Variants in RBMS1 observed in about 807,000 individuals in gnomAD.
RBMS1 encodes RNA binding motif single stranded interacting protein 1.
In RBMS1, 17 loss-of-function variants were observed where a neutral mutation model predicts 62.3. That is an observed-to-expected ratio of 0.27 (90% CI 0.19 to 0.41). The LOEUF (loss-of-function observed/expected upper bound fraction) is 0.41. Ranked by LOEUF, RBMS1 falls within the 10% of genes least tolerant of loss-of-function variation. RBMS1 has a pLI of 1.00. For missense variants in RBMS1, 334 were observed against 504.5 expected (o/e 0.66, Z 3.24); for synonymous variants, 172 against 170.0 (o/e 1.01, Z -0.09).
chr2:160,327,308 G>A (rs542876500), intron 2 of RBMS1, among the ~76,000 whole-genome samples: 1 of 152,242 alleles, frequency 6.6e-6, no homozygotes, highest in South Asian at 2.1e-4. Context: ...CAACATGCCT[G>A]GGTGAATCCA....
At chr2:160,410,292 A>G (rs1393342549) in intron 1 of RBMS1, among the ~76,000 whole-genome samples, 2 of 152,052 alleles carry the variant, frequency 1.3e-5, no homozygotes, top group East Asian at 3.9e-4. Context: ...AAGCCAACAA[A>G]ATGTATGTTC....
At chr2:160,448,813 G>A (rs1683798145) in intron 1 of RBMS1, among the ~76,000 whole-genome samples, 2 of 151,174 alleles carry the variant, frequency 1.3e-5, no homozygotes, top group Non-Finnish European at 2.9e-5. Flanking sequence ...AGTGAGGAGC[G>A]CCTCTTCCCG....
intron 10 of RBMS1, 120 bp downstream of exon 10, chr2:160,281,194 C>T (rs1402041918): frequency 3.3e-6 from 2 of 615,300 alleles, no homozygotes; most frequent in Non-Finnish European, 5.3e-6. Context: ...TGTACATTCT[C>T]ATATTCCATG....
intron 2 of RBMS1, among the ~76,000 whole-genome samples, chr2:160,322,002 C>T (rs1690588594): frequency 6.6e-6 from 1 of 152,216 alleles, no homozygotes; most frequent in African/African-American, 2.4e-5. Flanking sequence ...TTCCATGAAA[C>T]TATCACTAAT....
chr2:160,287,491 A>G (rs540459811), intron 6 of RBMS1, among the ~76,000 whole-genome samples: 3 of 152,288 alleles, frequency 2.0e-5, no homozygotes, highest in African/African-American at 7.2e-5. Context: ...TATAATTCCT[A>G]AGAGGGACCC....
At position 160,287,095 on chromosome 2, in the gene RBMS1, A is replaced by C; in HGVS notation, c.641-11T>G. 6.2e-7 allele frequency: 1 copy of C among 1,613,848 alleles called. No homozygotes were observed. The highest frequency in any genetic ancestry group is 8.5e-7 in the Non-Finnish European group (1 of 1,179,950). Reference sequence around the variant, plus strand: ...AAGGTTCTGTGGGGGCTAAGTAAACAGAGAAAAATAAAATGAAACCACAAT... The same window carrying C: ...AAGGTTCTGTGGGGGCTAAGTAAACCGAGAAAAATAAAATGAAACCACAAT... On this transcript the variant is annotated splice_polypyrimidine_tract_variant and intron_variant, in intron 6 of 13. Transcript: ENST00000348849.
At chr2:160,289,121 A>T (rs1688552990) in intron 6 of RBMS1, among the ~76,000 whole-genome samples, 1 of 152,204 alleles carries the variant, frequency 6.6e-6, no homozygotes, top group African/African-American at 2.4e-5. Context: ...AGAAAAAAAA[A>T]ATCTCAGGTG....
chr2:160,487,988 T>C (rs991423123), intron 1 of RBMS1, among the ~76,000 whole-genome samples: 6 of 152,222 alleles, frequency 3.9e-5, no homozygotes, highest in African/African-American at 1.4e-4. Context: ...ATTGAGGAAT[T>C]AGATTATGGG....
intron 1 of RBMS1, chr2:160,407,971 C>T (rs1695851245): frequency 5.2e-6 from 5 of 955,324 alleles, no homozygotes; most frequent in Non-Finnish European, 6.2e-6. Flanking sequence ...GGCCCACCCG[C>T]GCCTCCCCGC....
At chr2:160,455,744 C>T (rs1322994602) in intron 1 of RBMS1, among the ~76,000 whole-genome samples, 2 of 139,038 alleles carry the variant, frequency 1.4e-5, no homozygotes, top group East Asian at 2.1e-4. Flanking sequence ...AGTGCAGTGG[C>T]GCGATCTCGG....
At chr2:160,330,734 C>T (rs1168768329) in intron 2 of RBMS1, among the ~76,000 whole-genome samples, 1 of 151,732 alleles carries the variant, frequency 6.6e-6, no homozygotes, top group Non-Finnish European at 1.5e-5. Context: ...AGACACTATG[C>T]TCTTGGGCCT....
chr2:160,274,082 C>A lies in RBMS1; in HGVS notation c.*690G>T, dbSNP rs1574191675. On this transcript the variant is annotated 3_prime_UTR_variant, in exon 14 of 14. Transcript: ENST00000348849. ...CTGCTGTTTTACAAGGCATAATAGA[C>A]CAGCTCATTTGGTCAAAGCATTCTA... 6.6e-6 allele frequency: 1 copy of A among 152,644 alleles called. No individual in the cohort carries two copies. The highest frequency in any genetic ancestry group is 1.5e-5 in the Non-Finnish European group (1 of 68,038). 9.5% of individuals were successfully genotyped at this position (152,644 alleles called of 1,614,324 possible).
intron 1 of RBMS1, among the ~76,000 whole-genome samples, chr2:160,485,499 G>T (rs1395003168): frequency 2.0e-5 from 3 of 152,188 alleles, no homozygotes; most frequent in African/African-American, 7.2e-5. Flanking sequence ...TACTTTTACA[G>T]ACTCTTACAG....
chr2:160,422,600 A>C (rs1696477387), intron 1 of RBMS1, among the ~76,000 whole-genome samples: 1 of 151,840 alleles, frequency 6.6e-6, no homozygotes, highest in Non-Finnish European at 1.5e-5. Context: ...CATCACCACC[A>C]CTAGCACCAC....
intron 11 of RBMS1, 50 bp from the exon 12 acceptor site, chr2:160,277,433 T>C (rs2105928271): frequency 1.4e-6 from 2 of 1,409,886 alleles, no homozygotes; most frequent in African/African-American, 1.4e-5. Context: ...CATGCAAAAT[T>C]TGGAGTACGT....
chr2:160,434,923 C>A (rs1352035004), intron 1 of RBMS1, among the ~76,000 whole-genome samples: 3 of 152,050 alleles, frequency 2.0e-5, no homozygotes, highest in Non-Finnish European at 4.4e-5. Flanking sequence ...TCAAAGATGG[C>A]CAGAAATGGT....
At chr2:160,452,899 G>A (rs768708099) in intron 1 of RBMS1, among the ~76,000 whole-genome samples, 5 of 152,204 alleles carry the variant, frequency 3.3e-5, no homozygotes, top group Non-Finnish European at 7.3e-5. Context: ...CAGACTTGGT[G>A]AGGGAAGTGA....
intron 1 of RBMS1, among the ~76,000 whole-genome samples, chr2:160,416,409 G>A (rs1696210465): frequency 6.6e-6 from 1 of 152,058 alleles, no homozygotes; most frequent in South Asian, 2.1e-4. Flanking sequence ...ACTGGAGAAA[G>A]TGCCAGAAGG....
At chr2:160,323,180 T>TC (rs957557358) in intron 2 of RBMS1, among the ~76,000 whole-genome samples, 1 of 152,114 alleles carries the variant, frequency 6.6e-6, no homozygotes, top group Admixed American at 6.5e-5. Context: ...TTTTTTTTTT[T>TC]TTTTTAAATC....
Sources: allele counts gnomAD v4.1 joint callset (sites outside exome capture counted in the v4.1 genomes callset), GRCh38; gene constraint gnomAD v4.1.1; transcripts MANE v1.5; gene names NCBI Gene and HGNC (gene_info 2026-07-23, HGNC 2026-07-21).